Variants in SUGCT observed in about 807,000 individuals in gnomAD.
The protein encoded by SUGCT is succinyl-CoA:glutarate CoA-transferase.
SUGCT carries 41 observed loss-of-function variants against 55.0 expected under a neutral mutation model. That is an observed-to-expected ratio of 0.74 (90% CI 0.58 to 0.97). SUGCT has a LOEUF of 0.97. Ranked by LOEUF, SUGCT falls within the 50% of genes least tolerant of loss-of-function variation. SUGCT has a pLI of 0.00. For missense variants in SUGCT, 568 were observed against 547.8 expected (o/e 1.04, Z -0.37); for synonymous variants, 187 against 200.4 (o/e 0.93, Z 0.56).
At chr7:40,806,579 T>C (rs2128753689) in intron 13 of SUGCT, among the ~76,000 whole-genome samples, 2 of 152,296 alleles carry the variant, frequency 1.3e-5, no homozygotes, top group African/African-American at 4.8e-5. Context: ...TTTTCCTCTC[T>C]TCCCCCTTTT....
chr7:40,415,395 T>C (rs1348993350), intron 9 of SUGCT, among the ~76,000 whole-genome samples: 3 of 151,830 alleles, frequency 2.0e-5, no homozygotes, highest in Non-Finnish European at 2.9e-5. Context: ...ACATTTGCAT[T>C]TCCTGTTCTT....
chr7:40,473,810 A>C (rs994329458), intron 11 of SUGCT, among the ~76,000 whole-genome samples: 2 of 152,170 alleles, frequency 1.3e-5, no homozygotes. Context: ...TAGTTTTATA[A>C]TTTGGTGCAT....
At chr7:40,505,149 A>G (rs1375391017) in intron 12 of SUGCT, among the ~76,000 whole-genome samples, 1 of 152,060 alleles carries the variant, frequency 6.6e-6, no homozygotes, top group African/African-American at 2.4e-5. Context: ...TTGTTTTAAT[A>G]TCTATTTTCT....
At chr7:40,571,428 A>G (rs995842586) in intron 12 of SUGCT, among the ~76,000 whole-genome samples, 2 of 152,206 alleles carry the variant, frequency 1.3e-5, no homozygotes, top group Non-Finnish European at 2.9e-5. Flanking sequence ...TTTGAGTTCC[A>G]TGTCTAATCA....
chr7:40,412,962 T>C (rs1786775447), intron 9 of SUGCT, among the ~76,000 whole-genome samples: 1 of 152,190 alleles, frequency 6.6e-6, no homozygotes, highest in South Asian at 2.1e-4. Flanking sequence ...TTATTCCATT[T>C]TGTAGGGCAT....
chr7:41,003,989 A>G, the SUGCT span, among the ~76,000 whole-genome samples: 1 of 152,114 alleles, frequency 6.6e-6, no homozygotes, highest in Non-Finnish European at 1.5e-5. Flanking sequence ...AATCCATCCC[A>G]CCACATTATC....
At chr7:40,662,341 A>G (rs1014067155) in intron 12 of SUGCT, among the ~76,000 whole-genome samples, 2 of 152,288 alleles carry the variant, frequency 1.3e-5, no homozygotes, top group South Asian at 4.1e-4. Flanking sequence ...TTCTCCTCCT[A>G]TAGCCCATCC....
At position 40,705,123 on chromosome 7, in the gene SUGCT, T is replaced by G. The variant is rs564137148; in HGVS notation, c.1090-44311T>G. The stretch of plus-strand genomic sequence containing the variant: ...TCCTTGCCCACACCAAGTTCAGCTG[T>G]TTTTTACTTCATTCTATTTCTTTTA... On this transcript the variant is annotated intron_variant, in intron 12 of 13. Transcript: ENST00000335693. Among the ~76,000 whole-genome samples the G allele has an allele frequency of 9.2e-5, 14 of 152,336 alleles. No individual in the cohort carries two copies. The East Asian group carries it at 1.7e-3, about 19-fold the overall frequency.
At chr7:40,913,392 G>A in the SUGCT span, among the ~76,000 whole-genome samples, 8 of 151,994 alleles carry the variant, frequency 5.3e-5, no homozygotes, top group Admixed American at 3.9e-4. Flanking sequence ...ACATCACATG[G>A]TCCCCCAAAT....
chr7:40,410,971 A>G (rs1423770971), intron 9 of SUGCT, among the ~76,000 whole-genome samples: 1 of 152,184 alleles, frequency 6.6e-6, no homozygotes, highest in Admixed American at 6.5e-5. Context: ...GGTCAGCACA[A>G]AAAGGGTTAG....
intron 12 of SUGCT, among the ~76,000 whole-genome samples, chr7:40,731,216 C>T (rs181221087): frequency 6.6e-6 from 1 of 152,250 alleles, no homozygotes; most frequent in African/African-American, 2.4e-5. Context: ...TATTTCAATT[C>T]ATCTAATTAT....
chr7:40,480,260 T>C (rs1790954265), intron 11 of SUGCT, among the ~76,000 whole-genome samples: 1 of 152,170 alleles, frequency 6.6e-6, no homozygotes, highest in African/African-American at 2.4e-5. Flanking sequence ...CTCACCACCA[T>C]TTTTTGAAGA....
At chr7:40,695,167 T>TTTTATTTA (rs71560200) in intron 12 of SUGCT, among the ~76,000 whole-genome samples, 4,451 of 135,440 alleles carry the variant, frequency 0.033, 100 homozygotes, top group East Asian at 0.058. Flanking sequence ...AAACCCTTAT[T>TTTTATTTA]TTTATTTATT....
chr7:40,513,499 A>G (rs186577690), intron 12 of SUGCT, among the ~76,000 whole-genome samples: 1 of 152,208 alleles, frequency 6.6e-6, no homozygotes, highest in East Asian at 1.9e-4. Context: ...TTCAGTTCCT[A>G]TTTCCTGAGA....
chr7:40,876,095 T>C, the SUGCT span, among the ~76,000 whole-genome samples: 1 of 152,358 alleles, frequency 6.6e-6, no homozygotes, highest in East Asian at 1.9e-4. Context: ...TTCCAACTTA[T>C]ATGAAACATA....
At chr7:40,286,603 A>G (rs1265147389) in intron 8 of SUGCT, among the ~76,000 whole-genome samples, 1 of 152,224 alleles carries the variant, frequency 6.6e-6, no homozygotes, top group African/African-American at 2.4e-5. Flanking sequence ...GTGGTTAAAC[A>G]TTGTAGAACA....
intron 6 of SUGCT, among the ~76,000 whole-genome samples, chr7:40,234,723 A>G (rs925932358): frequency 8.5e-5 from 13 of 152,126 alleles, no homozygotes; most frequent in Non-Finnish European, 1.6e-4. Flanking sequence ...AGCCTGGGCA[A>G]CATAGTGAAA....
chr7:40,851,320 G>C (rs1027423553), intron 13 of SUGCT, among the ~76,000 whole-genome samples: 1 of 141,500 alleles, frequency 7.1e-6, no homozygotes, highest in African/African-American at 2.5e-5. Context: ...ATTTGTAAAT[G>C]TAAAAAAAAA....
chr7:40,699,513 A>G (rs1785082929), intron 12 of SUGCT, among the ~76,000 whole-genome samples: 1 of 152,194 alleles, frequency 6.6e-6, no homozygotes, highest in South Asian at 2.1e-4. Context: ...CTGCAGAGGT[A>G]TGTTGTAAAG....
Sources: allele counts gnomAD v4.1 joint callset (sites outside exome capture counted in the v4.1 genomes callset), GRCh38; gene constraint gnomAD v4.1.1; transcripts MANE v1.5; gene names NCBI Gene and HGNC (gene_info 2026-07-23, HGNC 2026-07-21).